Variants in XRN1 observed in about 807,000 individuals in gnomAD.
XRN1 encodes strand-exchange protein 1 homolog.
XRN1 carries 67 observed loss-of-function variants against 222.3 expected under a neutral mutation model. That is an observed-to-expected ratio of 0.30 (90% CI 0.25 to 0.37). XRN1 has a LOEUF of 0.37. Among genes scored for constraint, XRN1 ranks in the 10% least tolerant of loss-of-function variants. The pLI is 1.00. For missense variants in XRN1, 1,707 were observed against 2,000.2 expected, an observed-to-expected ratio of 0.85 and a Z score of 2.80; for synonymous variants, 643 against 652.4, an observed-to-expected ratio of 0.99 and a Z score of 0.22.
At chr3:142,402,463 G>A (rs1451359603) in intron 18 of XRN1, among the ~76,000 whole-genome samples, 2 of 152,110 alleles carry the variant, frequency 1.3e-5, no homozygotes, top group East Asian at 3.8e-4. Context: ...GATTACAGAC[G>A]TAAGCCACCA....
chr3:142,387,966 A>G (rs1249773377), intron 20 of XRN1, among the ~76,000 whole-genome samples: 1 of 152,158 alleles, frequency 6.6e-6, no homozygotes, highest in African/African-American at 2.4e-5. Flanking sequence ...GAAGCTTCCT[A>G]AGGCCCTTAC....
At chr3:142,320,576 T>C (rs1023632190) in intron 37 of XRN1, among the ~76,000 whole-genome samples, 112 of 152,164 alleles carry the variant, frequency 7.4e-4, no homozygotes, top group African/African-American at 2.5e-3. Context: ...GTCCCATTTG[T>C]CTATTTTTGT....
chr3:142,332,454 A>C lies in XRN1; in HGVS notation c.4143T>G (p.Ile1381Met), dbSNP rs1560296338. The stretch of plus-strand genomic sequence containing the variant: ...TAGAGGAAACAGGGATTTCATTAGC[A>C]ATCTGTTTGATTTCATTCTTATGGT... ...TVDHKNEIKQIANEIPVSSNR... is the reference protein window; with the variant it reads ...TVDHKNEIKQMANEIPVSSNR... The change falls in exon 36 of 41, where the codon ATT (isoleucine) becomes ATG (methionine). Residue 1381 changes from isoleucine (I) to methionine (M), a missense_variant. Physicochemically the swap from Ile to Met is conservative, Grantham distance 10. Around this residue, in one of 2 missense-constraint regions of XRN1, gnomAD observed 473 missense variants for 482.0 expected, o/e 0.98. Transcript: ENST00000392981. 6.2e-6 allele frequency: 10 copies of C among 1,613,322 alleles called. No individual in the cohort carries two copies. The highest frequency in any genetic ancestry group is 8.5e-6 in the Non-Finnish European group (10 of 1,179,462).
At chr3:142,354,777 C>A (rs930596095) in intron 32 of XRN1, among the ~76,000 whole-genome samples, 1 of 152,096 alleles carries the variant, frequency 6.6e-6, no homozygotes, top group African/African-American at 2.4e-5. Flanking sequence ...GTGATCCACC[C>A]ACCCCAGCCT....
chr3:142,346,955 A>AT (rs1298764835), intron 33 of XRN1, among the ~76,000 whole-genome samples: 1 of 152,224 alleles, frequency 6.6e-6, no homozygotes, highest in East Asian at 1.9e-4. Flanking sequence ...AGTGTCTAGA[A>AT]TAGGCATATC....
intron 1 of XRN1, among the ~76,000 whole-genome samples, chr3:142,446,469 T>C (rs1036714256): frequency 6.6e-6 from 1 of 152,218 alleles, no homozygotes. Flanking sequence ...TTAAAGAGAT[T>C]TTCATTCTTC....
chr3:142,392,411 C>G (rs2067762414), intron 20 of XRN1, among the ~76,000 whole-genome samples: 1 of 151,844 alleles, frequency 6.6e-6, no homozygotes, highest in Admixed American at 6.6e-5. Context: ...ATATGCCATG[C>G]TGGTGCGTTG....
chr3:142,413,764 C>T, intron 14 of XRN1, among the ~76,000 whole-genome samples: 1 of 152,118 alleles, frequency 6.6e-6, no homozygotes, highest in Admixed American at 6.5e-5. Flanking sequence ...AGAACCATCC[C>T]TATACCAAAA....
In XRN1 at chr3:142,403,905, G is replaced by A; in HGVS notation, c.1968C>T (p.Phe656=). ...ITRIDQKALY[F]CGFPTLKHIR... is the part of the protein sequence containing the mutation. ...TGTGTTTCAGAGTAGGAAATCCACA[G>A]AAATATAATGCTTTCTGGTCAATTC... The change falls in exon 17 of 41, where the codon TTC becomes TTT. Residue 656 remains phenylalanine (F), a synonymous_variant. Coordinates refer to ENST00000392981, the MANE Select transcript of XRN1 (RefSeq NM_001282857.2). The A allele has an allele frequency of 6.2e-7, 1 of 1,613,122 alleles. No homozygotes were observed. Among genetic ancestry groups the A allele is most frequent in the Non-Finnish European group, 8.5e-7 (1 of 1,179,434 alleles).
chr3:142,322,116 A>G (rs1157816788), intron 37 of XRN1, among the ~76,000 whole-genome samples: 1 of 152,200 alleles, frequency 6.6e-6, no homozygotes, highest in Non-Finnish European at 1.5e-5. Context: ...AGAATAAAAC[A>G]ACTTTCTTGC....
chr3:142,417,325 G>T, intron 12 of XRN1, 96 bp from the exon 13 acceptor site: 1 of 930,914 alleles, frequency 1.1e-6, no homozygotes, highest in Non-Finnish European at 1.6e-6. Context: ...TACCTCAGAT[G>T]ATTTATTTAA....
chr3:142,369,769 G>C (rs923177272), intron 27 of XRN1, among the ~76,000 whole-genome samples: 65 of 151,676 alleles, frequency 4.3e-4, no homozygotes, highest in African/African-American at 1.4e-3. Context: ...TTAGAGGCTG[G>C]GTGTGGTGAC....
At position 142,312,724 on chromosome 3, in the gene XRN1, G is replaced by A. The variant is rs567464908; in HGVS notation, c.4656C>T (p.Gly1552=). The part of the protein sequence containing the change: ...NIMPSSSHLF[G]SMPWGPSVPV... Reference sequence around the variant, plus strand: ...GCACCGATGGTCCCCATGGCATTGAGCCAAAGAGATGAGACGACGAAGGCA... The same window carrying A: ...GCACCGATGGTCCCCATGGCATTGAACCAAAGAGATGAGACGACGAAGGCA... The change falls in exon 40 of 41, where the codon GGC becomes GGT. Residue 1552 remains glycine, a synonymous_variant. Transcript: ENST00000392981. The A allele has an allele frequency of 4.7e-5, 76 of 1,612,862 alleles. 1 individual carries two copies. The South Asian group carries it at 7.5e-4, about 16-fold the overall frequency.
In XRN1 at chr3:142,370,498, A is replaced by C; in HGVS notation, c.3191T>G (p.Val1064Gly). ...AAIVEKIEEE[V>G]EKCKQRKNNK... ...GAAAGTTAGTACCTTGCACTTTTCGACTTCTTCCTCAATTTTCTCAACAAT... is the reference window on the plus strand; with the variant it reads ...GAAAGTTAGTACCTTGCACTTTTCGCCTTCTTCCTCAATTTTCTCAACAAT... The change falls in exon 27 of 41, where the codon GTC becomes GGC. Residue 1064 changes from valine (V) to glycine (G), a missense_variant. By Grantham distance (109) the Val-to-Gly change is moderately radical. Transcript: ENST00000392981. The C allele has an allele frequency of 6.2e-7, 1 of 1,605,256 alleles. No homozygotes were observed. Among genetic ancestry groups the C allele is most frequent in the Non-Finnish European group, 8.5e-7 (1 of 1,177,268 alleles).
chr3:142,331,442 T>C (rs888756118), intron 36 of XRN1, among the ~76,000 whole-genome samples: 2 of 152,224 alleles, frequency 1.3e-5, no homozygotes, highest in Admixed American at 1.3e-4. Context: ...TTACAACAGT[T>C]AGGTTATTTT....
chr3:142,359,963 A>T (rs2066571480), intron 29 of XRN1, 32 bp from the exon 30 acceptor site: 2 of 1,461,764 alleles, frequency 1.4e-6, no homozygotes, highest in Admixed American at 4.1e-5. Context: ...AAGAGACACT[A>T]AAAAATCATA....
chr3:142,376,315 A>G (rs575432004), intron 24 of XRN1, 164 bp downstream of exon 24: 2 of 720,592 alleles, frequency 2.8e-6, no homozygotes, highest in Admixed American at 2.9e-5. Context: ...ACCACCTAAA[A>G]CATGTGCCAT....
In XRN1 at chr3:142,414,225, A is replaced by G; in HGVS notation, c.1503T>C (p.His501=). The G allele has an allele frequency of 3.7e-6, 6 of 1,614,028 alleles. No homozygotes were observed. The highest frequency in any genetic ancestry group is 4.2e-6 in the Non-Finnish European group (5 of 1,179,952). The change falls in exon 14 of 41, where the codon CAT becomes CAC. Residue 501 remains histidine (H), a synonymous_variant. Transcript: ENST00000392981. ...GCTTAAAAGGTTTTCCTAGTTCAAAATGGATTTTGAGTGTACTGATGTTGT... is the reference window on the plus strand; with the variant it reads ...GCTTAAAAGGTTTTCCTAGTTCAAAGTGGATTTTGAGTGTACTGATGTTGT... ...DIHNISTLKI[H]FELGKPFKPF... is the part of the protein sequence containing the mutation.
In XRN1 at chr3:142,365,119, G is replaced by A; in HGVS notation, c.3322C>T (p.Arg1108Cys). The A allele has an allele frequency of 6.2e-7, 1 of 1,613,110 alleles. No homozygotes were observed. Among genetic ancestry groups the A allele is most frequent in the Non-Finnish European group, 8.5e-7 (1 of 1,179,544 alleles). Residue 1108 changes from arginine (R) to cysteine (C), a missense_variant, in exon 29 of 41, where the codon CGT becomes TGT. By Grantham distance (180) the Arg-to-Cys change is radical. Around this residue, in one of 2 missense-constraint regions of XRN1, gnomAD observed 1,234 missense variants for 1,518.2 expected, o/e 0.81. Coordinates refer to ENST00000392981, the MANE Select transcript of XRN1 (RefSeq NM_001282857.2). ...DRDAEFCLFD[R>C]VVNVRENFSV... ...AAGTTTTCTCTCACATTTACAACACGGTCAAAAAGACAAAATTCTGCATCC... is the reference window on the plus strand; with the variant it reads ...AAGTTTTCTCTCACATTTACAACACAGTCAAAAAGACAAAATTCTGCATCC...
Sources: allele counts gnomAD v4.1 joint callset (sites outside exome capture counted in the v4.1 genomes callset), GRCh38; gene constraint gnomAD v4.1.1; regional missense constraint gnomAD v4.1.1; transcripts MANE v1.5; gene names NCBI Gene and HGNC (gene_info 2026-07-23, HGNC 2026-07-21).